The following STK32B variants were observed in gnomAD, a reference collection of about 807,000 sequenced individuals.
STK32B encodes the protein serine/threonine-protein kinase 32B.
STK32B carries 43 observed loss-of-function variants against 52.6 expected under a neutral mutation model. The observed-to-expected ratio is 0.82, with a 90% confidence interval of 0.64 to 1.05. The LOEUF is 1.05. Ranked by LOEUF, STK32B falls within the 50% of genes least tolerant of loss-of-function variation. STK32B has a pLI of 0.00. For missense variants in STK32B, 621 were observed against 534.6 expected, an observed-to-expected ratio of 1.16 and a Z score of -1.59; for synonymous variants, 238 against 204.3, an observed-to-expected ratio of 1.17 and a Z score of -1.41.
chr4:5,142,692 A>C (rs1360189547), intron 2 of STK32B, among the ~76,000 whole-genome samples: 1 of 152,248 alleles, frequency 6.6e-6, no homozygotes, highest in Admixed American at 6.5e-5. Flanking sequence ...AAAATCAGAC[A>C]TAAAAAACAG....
chr4:5,185,176 A>G (rs1720652415), intron 3 of STK32B, among the ~76,000 whole-genome samples: 1 of 152,154 alleles, frequency 6.6e-6, no homozygotes. Flanking sequence ...ATCCATTTCT[A>G]CTTACCTAAT....
At chr4:5,495,583 G>T (rs1720160735) in intron 11 of STK32B, among the ~76,000 whole-genome samples, 1 of 152,200 alleles carries the variant, frequency 6.6e-6, no homozygotes, top group African/African-American at 2.4e-5. Context: ...ACTCGTCAAA[G>T]TCATTCTCCC....
chr4:5,421,153 G>A lies in STK32B; in HGVS notation c.562+4219G>A, dbSNP rs1712612483. ...TGCCCAGCCTGGAGTGCAGTGGCGT[G>A]ATCTCTGCTCACTGCAAACTCCACC... is the stretch of plus-strand genomic sequence containing the variant. On this transcript the variant is annotated intron_variant, in intron 6 of 11. Coordinates refer to ENST00000282908, the MANE Select transcript of STK32B (RefSeq NM_018401.3). Among the ~76,000 whole-genome samples, 3 of 151,086 alleles carry A rather than the reference G, an allele frequency of 2.0e-5. No homozygotes were observed. The South Asian group carries it at 6.3e-4, about 32-fold the overall frequency.
intron 6 of STK32B, 76 bp downstream of exon 6, chr4:5,417,010 C>A: frequency 7.5e-7 from 1 of 1,339,250 alleles, no homozygotes; most frequent in Non-Finnish European, 1.0e-6. Flanking sequence ...CTTGTTTCAT[C>A]TGCCACTGCC....
intron 3 of STK32B, among the ~76,000 whole-genome samples, chr4:5,184,103 G>T (rs1261235101): frequency 1.3e-5 from 2 of 152,126 alleles, no homozygotes; most frequent in Non-Finnish European, 2.9e-5. Context: ...TAACTGCTCG[G>T]CAAAAGAACC....
chr4:5,424,084 G>A (rs1157771986), intron 6 of STK32B, among the ~76,000 whole-genome samples: 1 of 152,144 alleles, frequency 6.6e-6, no homozygotes, highest in Admixed American at 6.5e-5. Flanking sequence ...ATTTCAGAGT[G>A]GGGTTGTGGC....
At chr4:5,352,617 TAAAAA>T in intron 4 of STK32B, among the ~76,000 whole-genome samples, 1 of 86,004 alleles carries the variant, frequency 1.2e-5, no homozygotes, top group East Asian at 3.2e-4. Flanking sequence ...GAGAAAGAAA[TAAAAA>T]AAAAAAAAAC....
intron 5 of STK32B, among the ~76,000 whole-genome samples, chr4:5,401,676 A>G (rs1185577593): frequency 6.6e-6 from 1 of 152,242 alleles, no homozygotes; most frequent in Admixed American, 6.5e-5. Context: ...CAGGGAAAAG[A>G]GCTGAGTGCA....
intron 3 of STK32B, among the ~76,000 whole-genome samples, chr4:5,247,204 G>A (rs1318685729): frequency 6.6e-6 from 1 of 152,232 alleles, no homozygotes; most frequent in East Asian, 1.9e-4. Flanking sequence ...GCCTCCTTGA[G>A]CTGTGGTCGG....
At chr4:5,258,220 T>C (rs1726463576) in intron 3 of STK32B, among the ~76,000 whole-genome samples, 1 of 152,180 alleles carries the variant, frequency 6.6e-6, no homozygotes, top group Admixed American at 6.5e-5. Context: ...TATTGAGAAG[T>C]GACACATCTG....
At chr4:5,283,298 C>A (rs1367629948) in intron 3 of STK32B, among the ~76,000 whole-genome samples, 1 of 145,698 alleles carries the variant, frequency 6.9e-6, no homozygotes, top group East Asian at 2.0e-4. Flanking sequence ...TTATATTACC[C>A]AGTCAGCAGA....
intron 4 of STK32B, among the ~76,000 whole-genome samples, chr4:5,349,264 A>T (rs1466779352): frequency 6.6e-6 from 1 of 152,146 alleles, no homozygotes; most frequent in Non-Finnish European, 1.5e-5. Flanking sequence ...ACTGCCACCA[A>T]TGTGGCCCAA....
chr4:5,419,312 T>C lies in STK32B; in HGVS notation c.562+2378T>C, dbSNP rs541381218. On this transcript the variant is annotated intron_variant, in intron 6 of 11. Transcript: ENST00000282908. ...GCTTTGTTCTCCTCTCCCATTTTTA[T>C]CTGGAGTTCTTCTTTCCTTTGTCTG... 3.3e-5 allele frequency among the ~76,000 whole-genome samples: 5 copies of C among 152,324 alleles called. No homozygotes were observed. The East Asian group carries it at 9.7e-4, about 29-fold the overall frequency.
At chr4:5,455,339 G>T (rs3821927) in intron 7 of STK32B, among the ~76,000 whole-genome samples, 3 of 152,320 alleles carry the variant, frequency 2.0e-5, no homozygotes, top group Admixed American at 6.5e-5. Flanking sequence ...GCTCGATCAC[G>T]TGGTGGTGAC....
chr4:5,137,792 A>G (rs1169458658), intron 1 of STK32B, among the ~76,000 whole-genome samples: 1 of 152,194 alleles, frequency 6.6e-6, no homozygotes, highest in Non-Finnish European at 1.5e-5. Flanking sequence ...GGGGTTGGGG[A>G]AAAGCTTCCC....
chr4:5,251,781 A>G (rs1174005691), intron 3 of STK32B, among the ~76,000 whole-genome samples: 1 of 152,132 alleles, frequency 6.6e-6, no homozygotes, highest in Non-Finnish European at 1.5e-5. Context: ...CGTTACACAG[A>G]TCTTTCACCT....
At chr4:5,080,251 C>T (rs146321744) in intron 1 of STK32B, among the ~76,000 whole-genome samples, 39 of 152,298 alleles carry the variant, frequency 2.6e-4, no homozygotes, top group African/African-American at 3.1e-4. Context: ...CAGACACCAT[C>T]GTCTTCTGCT....
intron 1 of STK32B, among the ~76,000 whole-genome samples, chr4:5,052,680 T>C (rs1741837025): frequency 6.6e-6 from 1 of 152,192 alleles, no homozygotes; most frequent in Non-Finnish European, 1.5e-5. Flanking sequence ...AGCTACTTTA[T>C]AGGGTTGTTT....
At chr4:5,286,637 C>G (rs1728560303) in intron 3 of STK32B, among the ~76,000 whole-genome samples, 1 of 152,060 alleles carries the variant, frequency 6.6e-6, no homozygotes, top group Non-Finnish European at 1.5e-5. Context: ...CACTAGTTTT[C>G]CACTGTATAA....
Sources: allele counts gnomAD v4.1 joint callset (sites outside exome capture counted in the v4.1 genomes callset), GRCh38; gene constraint gnomAD v4.1.1; transcripts MANE v1.5; gene names NCBI Gene and HGNC (gene_info 2026-07-23, HGNC 2026-07-21).